Variants in C1orf87 observed in about 807,000 individuals in gnomAD.
C1orf87 encodes uncharacterized protein C1orf87.
A neutral mutation model predicts 60.5 loss-of-function variants in C1orf87; 58 were observed. That is an observed-to-expected ratio of 0.96 (90% CI 0.78 to 1.19). C1orf87 has a LOEUF of 1.19. Ranked by LOEUF, C1orf87 falls within the 50% of genes most tolerant of loss-of-function variation. C1orf87 has a pLI of 0.00. For missense variants in C1orf87, 673 were observed against 638.6 expected (o/e 1.05, Z -0.58); for synonymous variants, 236 against 227.4 (o/e 1.04, Z -0.34).
chr1:59,992,579 G>A (rs562870350), intron 11 of C1orf87, among the ~76,000 whole-genome samples: 15 of 152,072 alleles, frequency 9.9e-5, no homozygotes, highest in African/African-American at 3.4e-4. Context: ...TCATATGTGC[G>A]AACTGTAAGA....
At chr1:60,013,813 T>C (rs1645106145) in intron 8 of C1orf87, among the ~76,000 whole-genome samples, 2 of 152,080 alleles carry the variant, frequency 1.3e-5, no homozygotes, top group South Asian at 4.1e-4. Context: ...CAAGGGCAGA[T>C]GACAACTTCC....
intron 9 of C1orf87, chr1:60,008,701 C>A: frequency 2.2e-6 from 1 of 456,340 alleles, no homozygotes; most frequent in Non-Finnish European, 4.4e-6. Context: ...CAGCCCTAGC[C>A]ACGTGTGAAA....
rs955960335 is a variant in C1orf87 at position 60,050,022 on chromosome 1, A to T, written c.342+5182T>A. 2.6e-5 allele frequency among the ~76,000 whole-genome samples: 4 copies of T among 152,086 alleles called. No individual in the cohort carries two copies. The East Asian group carries it at 7.7e-4, about 29-fold the overall frequency. ...AAATATAGAGACTTTTTGTTTTAAT[A>T]TCTGGTAATGGTATCTTACCCATTA... On this transcript the variant is annotated intron_variant, in intron 3 of 11. Coordinates refer to ENST00000371201, the MANE Select transcript of C1orf87 (RefSeq NM_152377.3).
intron 9 of C1orf87, among the ~76,000 whole-genome samples, chr1:60,007,103 G>C (rs1291167879): frequency 6.6e-6 from 1 of 151,850 alleles, no homozygotes; most frequent in African/African-American, 2.4e-5. Context: ...GTAGAGACAG[G>C]GTTTCACCTT....
At chr1:60,013,764 T>G (rs1317918409) in intron 8 of C1orf87, among the ~76,000 whole-genome samples, 1 of 151,970 alleles carries the variant, frequency 6.6e-6, no homozygotes, top group Non-Finnish European at 1.5e-5. Flanking sequence ...GCTGCACTGA[T>G]TTCCTTTGGC....
At chr1:60,052,362 A>G (rs1645420827) in intron 3 of C1orf87, among the ~76,000 whole-genome samples, 1 of 152,194 alleles carries the variant, frequency 6.6e-6, no homozygotes, top group African/African-American at 2.4e-5. Flanking sequence ...ATACGCATAT[A>G]AAGCAGAATT....
chr1:60,052,348 A>T (rs998022436), intron 3 of C1orf87, among the ~76,000 whole-genome samples: 1 of 152,132 alleles, frequency 6.6e-6, no homozygotes, highest in African/African-American at 2.4e-5. Context: ...ATTTTTTCAA[A>T]AACATACGCA....
chr1:60,057,423 G>A (rs189282901), intron 2 of C1orf87, among the ~76,000 whole-genome samples: 1 of 152,270 alleles, frequency 6.6e-6, no homozygotes. Flanking sequence ...GGTGATGATT[G>A]ATGTGGAATA....
chr1:59,996,316 C>T (rs1644963694), intron 11 of C1orf87, among the ~76,000 whole-genome samples: 1 of 152,102 alleles, frequency 6.6e-6, no homozygotes, highest in Admixed American at 6.5e-5. Context: ...CTATCTGCTC[C>T]CTCTTTTCCC....
At chr1:60,061,281 A>C (rs1181381559) in intron 2 of C1orf87, among the ~76,000 whole-genome samples, 1 of 152,310 alleles carries the variant, frequency 6.6e-6, no homozygotes, top group Non-Finnish European at 1.5e-5. Flanking sequence ...AATATCATTT[A>C]ATCTCTTTAT....
intron 8 of C1orf87, among the ~76,000 whole-genome samples, chr1:60,022,366 G>A (rs1356529430): frequency 6.6e-6 from 1 of 151,986 alleles, no homozygotes; most frequent in Non-Finnish European, 1.5e-5. Flanking sequence ...TTCTGGATAT[G>A]AGTTGATTTG....
At chr1:60,038,130 A>G (rs1371228505) in intron 5 of C1orf87, 23 bp from the exon 6 acceptor site, 62 of 1,411,534 alleles carry the variant, frequency 4.4e-5, no homozygotes, top group Non-Finnish European at 6.1e-5. Flanking sequence ...TGTAAAATAG[A>G]ACATCCTCAT....
intron 7 of C1orf87, among the ~76,000 whole-genome samples, chr1:60,028,728 T>C (rs1645216314): frequency 6.6e-6 from 1 of 152,180 alleles, no homozygotes; most frequent in African/African-American, 2.4e-5. Context: ...ACTAGGAACC[T>C]CCGTGGTTTT....
intron 3 of C1orf87, among the ~76,000 whole-genome samples, chr1:60,042,268 T>A (rs1440364595): frequency 6.6e-6 from 1 of 152,192 alleles, no homozygotes; most frequent in East Asian, 1.9e-4. Context: ...GAGTCTTGTT[T>A]TTTTTACCCG....
chr1:60,043,971 T>C (rs1276442232), intron 3 of C1orf87, among the ~76,000 whole-genome samples: 2 of 152,238 alleles, frequency 1.3e-5, no homozygotes, highest in Non-Finnish European at 2.9e-5. Flanking sequence ...CAGGTGTGAC[T>C]CCTGTCCTCA....
At chr1:60,029,379 T>C (rs1448716303) in intron 7 of C1orf87, among the ~76,000 whole-genome samples, 3 of 152,318 alleles carry the variant, frequency 2.0e-5, no homozygotes, top group South Asian at 4.1e-4. Flanking sequence ...CCAAATTCGA[T>C]TGGAATGCTT....
At chr1:60,069,849 G>C (rs573676669) in intron 2 of C1orf87, among the ~76,000 whole-genome samples, 5 of 152,264 alleles carry the variant, frequency 3.3e-5, no homozygotes, top group African/African-American at 1.2e-4. Flanking sequence ...GGTTATTACA[G>C]ATGTAATGAG....
intron 11 of C1orf87, among the ~76,000 whole-genome samples, chr1:59,996,524 A>G (rs1392614623): frequency 6.6e-6 from 1 of 152,208 alleles, no homozygotes; most frequent in Non-Finnish European, 1.5e-5. Flanking sequence ...GGCATTTAAA[A>G]TCTTTCAATA....
At chr1:60,045,832 G>T (rs550267978) in intron 3 of C1orf87, among the ~76,000 whole-genome samples, 3 of 152,114 alleles carry the variant, frequency 2.0e-5, no homozygotes, top group Admixed American at 1.3e-4. Flanking sequence ...TAATTCTGAC[G>T]CACGCTGAAG....
Sources: allele counts gnomAD v4.1 joint callset (sites outside exome capture counted in the v4.1 genomes callset), GRCh38; gene constraint gnomAD v4.1.1; transcripts MANE v1.5; gene names NCBI Gene and HGNC (gene_info 2026-07-23, HGNC 2026-07-21).